Variants in HMOX2 observed in about 807,000 individuals in gnomAD.
HMOX2 encodes the protein heme oxygenase 2.
HMOX2 carries 30 observed loss-of-function variants against 33.7 expected under a neutral mutation model. The observed-to-expected ratio is 0.89, with a 90% CI of 0.67 to 1.21. HMOX2 has a LOEUF of 1.21. Among genes scored for constraint, HMOX2 ranks in the 50% most tolerant of loss-of-function variants. The pLI, the probability that HMOX2 is intolerant of heterozygous loss-of-function variation, is 0.00. For synonymous variants in HMOX2, 155 were observed against 155.0 expected (o/e 1.00, Z 0.00); for missense variants, 403 against 399.1 (o/e 1.01, Z -0.08).
At chr16:4,501,668 C>T (rs1375299172) in intron 1 of HMOX2, among the ~76,000 whole-genome samples, 1 of 152,112 alleles carries the variant, frequency 6.6e-6, no homozygotes, top group Non-Finnish European at 1.5e-5. Flanking sequence ...CCTCAATTTT[C>T]TAGAGATTCC....
At chr16:4,507,592 C>T in intron 3 of HMOX2, 121 bp from the exon 4 acceptor site, 2 of 974,030 alleles carry the variant, frequency 2.1e-6, no homozygotes, top group Non-Finnish European at 3.0e-6. Context: ...TAATTCACTA[C>T]ATAAAAATGG....
At chr16:4,481,152 C>T (rs1203840813) in intron 1 of HMOX2, among the ~76,000 whole-genome samples, 1 of 151,316 alleles carries the variant, frequency 6.6e-6, no homozygotes, top group Non-Finnish European at 1.5e-5. Flanking sequence ...CGAGACCATG[C>T]TGGCTAACAC....
intron 1 of HMOX2, among the ~76,000 whole-genome samples, chr16:4,499,839 A>C (rs1479757585): frequency 1.3e-5 from 2 of 152,260 alleles, no homozygotes; most frequent in African/African-American, 4.8e-5. Flanking sequence ...AAGAGAAGTC[A>C]AAACAGATTT....
chr16:4,505,565 C>A lies in HMOX2; in HGVS notation c.41C>A (p.Ser14Ter). The A allele has an allele frequency of 6.2e-7, 1 of 1,605,974 alleles. No homozygotes were observed. Among genetic ancestry groups the A allele is most frequent in the Non-Finnish European group, 8.5e-7 (1 of 1,175,806 alleles). ...EVETSEGVDE[S>*]EKKNSGALEK... ...GAAACCTCAGAGGGGGTAGACGAGT[C>A]AGAAAAAAAGAACTCTGGGGCCCTA... Residue 14 changes from serine (S) to a stop codon, truncating the protein, a stop_gained, in exon 2 of 6, where the codon TCA becomes TAA. Coordinates refer to ENST00000570646, the MANE Select transcript of HMOX2 (RefSeq NM_002134.4). LOFTEE classifies it high-confidence loss of function.
chr16:4,504,682 CTTTTTTTTTT>C (rs56922429), intron 1 of HMOX2, among the ~76,000 whole-genome samples: 4 of 65,840 alleles, frequency 6.1e-5, no homozygotes, highest in African/African-American at 3.1e-4. Flanking sequence ...TTGATACGGT[CTTTTTTTTTT>C]TTTTTTTTTT....
chr16:4,490,924 G>A (rs1044672420), intron 1 of HMOX2, among the ~76,000 whole-genome samples: 1 of 152,182 alleles, frequency 6.6e-6, no homozygotes, highest in African/African-American at 2.4e-5. Flanking sequence ...GTATGTGTGT[G>A]TGTGTGTGCG....
chr16:4,497,873 C>T (rs1567393789), intron 1 of HMOX2, among the ~76,000 whole-genome samples: 1 of 152,130 alleles, frequency 6.6e-6, no homozygotes, highest in Non-Finnish European at 1.5e-5. Flanking sequence ...GCAGAGATTA[C>T]AGGCTTGAGC....
chr16:4,484,871 G>A (rs2058127347), intron 1 of HMOX2, among the ~76,000 whole-genome samples: 1 of 151,874 alleles, frequency 6.6e-6, no homozygotes, highest in Non-Finnish European at 1.5e-5. Context: ...TATGTAAATA[G>A]TTGTTATACT....
At chr16:4,499,318 A>G (rs1208517121) in intron 1 of HMOX2, among the ~76,000 whole-genome samples, 1 of 152,208 alleles carries the variant, frequency 6.6e-6, no homozygotes, top group African/African-American at 2.4e-5. Flanking sequence ...ATGGAATACT[A>G]CTCAACCATA....
chr16:4,505,555 G>T lies in HMOX2; in HGVS notation c.31G>T (p.Val11Leu), dbSNP rs371416587. 8 of 1,607,346 alleles carry T rather than the reference G, an allele frequency of 5.0e-6. No individual in the cohort carries two copies. In the East Asian group the frequency reaches 1.3e-4, roughly 27 times the overall value. The change falls in exon 2 of 6, where the codon GTA becomes TTA. Residue 11 changes from valine to leucine, a missense_variant. Transcript: ENST00000570646. ...AGCGGAAGTGGAAACCTCAGAGGGGGTAGACGAGTCAGAAAAAAAGAACTC... is the reference window on the plus strand; with the variant it reads ...AGCGGAAGTGGAAACCTCAGAGGGGTTAGACGAGTCAGAAAAAAAGAACTC... MSAEVETSEG[V>L]DESEKKNSGA...
At chr16:4,475,331 G>A (rs533649768), upstream of HMOX2, among the ~76,000 whole-genome samples, 6 of 151,522 alleles carry the variant, frequency 4.0e-5, no homozygotes, top group Non-Finnish European at 8.8e-5. Context: ...TCAAGGTGGA[G>A]TCTTGCTCTG....
At chr16:4,505,081 C>T (rs753325137) in intron 1 of HMOX2, among the ~76,000 whole-genome samples, 2 of 152,204 alleles carry the variant, frequency 1.3e-5, no homozygotes, top group East Asian at 3.8e-4. Flanking sequence ...GCTTTTCTGA[C>T]TTGCCAGTGT....
intron 4 of HMOX2, among the ~76,000 whole-genome samples, chr16:4,508,649 C>T (rs558852511): frequency 5.9e-5 from 9 of 152,308 alleles, no homozygotes; most frequent in Admixed American, 1.3e-4. Flanking sequence ...GAAGCTTACT[C>T]TGTCCCCAGG....
At position 4,505,533 on chromosome 16, in the gene HMOX2, G is replaced by C; in HGVS notation, c.9G>C (p.Ala3=). The C allele has an allele frequency of 6.2e-7, 1 of 1,606,010 alleles. No homozygotes were observed. Reference sequence around the variant, plus strand: ...AACCACACCCAGCAGCAATGTCAGCGGAAGTGGAAACCTCAGAGGGGGTAG... The same window carrying C: ...AACCACACCCAGCAGCAATGTCAGCCGAAGTGGAAACCTCAGAGGGGGTAG... MS[A]EVETSEGVDE... The change falls in exon 2 of 6, where the codon GCG becomes GCC. Residue 3 remains alanine (A), a synonymous_variant. Coordinates refer to ENST00000570646, the MANE Select transcript of HMOX2 (RefSeq NM_002134.4).
At chr16:4,484,268 C>T (rs2058106771) in intron 1 of HMOX2, among the ~76,000 whole-genome samples, 1 of 152,088 alleles carries the variant, frequency 6.6e-6, no homozygotes, top group African/African-American at 2.4e-5. Context: ...GCCACTGCAC[C>T]CGGCCTCATA....
intron 1 of HMOX2, among the ~76,000 whole-genome samples, chr16:4,480,783 G>T (rs1170613488): frequency 6.7e-6 from 1 of 149,928 alleles, no homozygotes; most frequent in Admixed American, 6.7e-5. Context: ...CTCTGGAGAA[G>T]CTGGGATTAT....
chr16:4,487,998 C>G (rs549918090), intron 1 of HMOX2, among the ~76,000 whole-genome samples: 2 of 150,964 alleles, frequency 1.3e-5, no homozygotes, highest in Admixed American at 6.6e-5. Flanking sequence ...TTTTGCATGC[C>G]TGTAATCCTA....
chr16:4,510,039 C>T lies in HMOX2; in HGVS notation c.*283C>T. ...CTCCAGGCTTCCACACTTCTGGGCC[C>T]TAGGCTGCTTCCGGTAGTCCCTGTT... is the stretch of plus-strand genomic sequence containing the variant. On this transcript the variant is annotated 3_prime_UTR_variant, in exon 6 of 6. Coordinates refer to ENST00000570646, the MANE Select transcript of HMOX2 (RefSeq NM_002134.4). The T allele has an allele frequency of 2.1e-6, 1 of 475,792 alleles. No individual in the cohort carries two copies. Among genetic ancestry groups the T allele is most frequent in the Non-Finnish European group, 3.8e-6 (1 of 264,068 alleles). The allele number at this position is 475,792 out of a possible 1,614,324, so 29.5% of individuals were successfully genotyped here.
chr16:4,509,803 G>A lies in HMOX2; in HGVS notation c.*47G>A. 6.3e-7 allele frequency: 1 copy of A among 1,577,416 alleles called. No homozygotes were observed. The highest frequency in any genetic ancestry group is 8.6e-7 in the Non-Finnish European group (1 of 1,157,222). On this transcript the variant is annotated 3_prime_UTR_variant, in exon 6 of 6. Coordinates refer to ENST00000570646, the MANE Select transcript of HMOX2 (RefSeq NM_002134.4). ...GTACCCTCCTCCCGACTGACCACTGGCCTACCCCTTTCTCCAGCCCTGACT... is the reference window on the plus strand; with the variant it reads ...GTACCCTCCTCCCGACTGACCACTGACCTACCCCTTTCTCCAGCCCTGACT...
Sources: allele counts gnomAD v4.1 joint callset (sites outside exome capture counted in the v4.1 genomes callset), GRCh38; gene constraint gnomAD v4.1.1; transcripts MANE v1.5; gene names NCBI Gene and HGNC (gene_info 2026-07-23, HGNC 2026-07-21).